BMPR1A: variants seen among roughly 807,000 people sequenced by gnomAD.
The protein encoded by BMPR1A is bone morphogenetic protein receptor type 1A, also known as bone morphogenetic protein receptor type-1A.
BMPR1A carries 7 observed loss-of-function variants against 66.0 expected under a neutral mutation model. The observed-to-expected ratio is 0.11, with a 90% CI of 0.06 to 0.20. The LOEUF (loss-of-function observed/expected upper bound fraction) is 0.20, where lower values mean the gene tolerates loss of function less well. BMPR1A is among the 10% of genes least tolerant of loss of function. The probability of loss-of-function intolerance (pLI) is 1.00; values close to 1 mark genes in which losing one functional copy is unlikely to be tolerated. For missense variants in BMPR1A, 408 were observed against 669.1 expected (o/e 0.61, Z 4.31); for synonymous variants, 200 against 229.7 (o/e 0.87, Z 1.17).
intron 1 of BMPR1A, among the ~76,000 whole-genome samples, chr10:86,825,111 T>C (rs996452267): frequency 1.3e-5 from 2 of 151,936 alleles, no homozygotes; most frequent in Non-Finnish European, 2.9e-5. Flanking sequence ...TTTTGTTTGT[T>C]TGTTTGTTTT....
chr10:86,860,841 CTTT>C (rs1219747565), intron 2 of BMPR1A, among the ~76,000 whole-genome samples: 2 of 135,072 alleles, frequency 1.5e-5, no homozygotes, highest in African/African-American at 2.7e-5. Context: ...TGCCATAGAA[CTTT>C]TTTTTTTTTT....
At chr10:86,833,397 G>A (rs1329475159) in intron 1 of BMPR1A, among the ~76,000 whole-genome samples, 1 of 152,194 alleles carries the variant, frequency 6.6e-6, no homozygotes, top group Non-Finnish European at 1.5e-5. Flanking sequence ...CATGAAAGAT[G>A]AGAGCCTACG....
intron 2 of BMPR1A, among the ~76,000 whole-genome samples, chr10:86,849,379 T>G (rs1393238135): frequency 6.6e-6 from 1 of 152,238 alleles, no homozygotes; most frequent in African/African-American, 2.4e-5. Context: ...AATCTGTCCA[T>G]TATTCAAGTG....
intron 2 of BMPR1A, among the ~76,000 whole-genome samples, chr10:86,840,792 C>T (rs1312552361): frequency 6.6e-6 from 1 of 152,194 alleles, no homozygotes; most frequent in Non-Finnish European, 1.5e-5. Flanking sequence ...TCGGATTCCT[C>T]ATCATTTGCT....
At chr10:86,826,116 G>A (rs539501338) in intron 1 of BMPR1A, among the ~76,000 whole-genome samples, 12 of 145,414 alleles carry the variant, frequency 8.3e-5, no homozygotes, top group African/African-American at 2.7e-4. Flanking sequence ...TTATTCCCCT[G>A]AGCCATTTGA....
chr10:86,879,246 C>T (rs768884061), intron 3 of BMPR1A, among the ~76,000 whole-genome samples: 2 of 152,100 alleles, frequency 1.3e-5, no homozygotes, highest in Non-Finnish European at 2.9e-5. Context: ...TGACAATGCT[C>T]AGTTAAAGAA....
At chr10:86,819,681 G>A (rs1434522451) in intron 1 of BMPR1A, among the ~76,000 whole-genome samples, 2 of 152,174 alleles carry the variant, frequency 1.3e-5, no homozygotes, top group African/African-American at 4.8e-5. Flanking sequence ...TTTTGCCTAT[G>A]CATCTCATCT....
chr10:86,789,138 T>A (rs939775786), intron 1 of BMPR1A, among the ~76,000 whole-genome samples: 5 of 152,000 alleles, frequency 3.3e-5, no homozygotes, highest in Admixed American at 2.6e-4. Context: ...TAAACAAAAA[T>A]CAACTCAAAA....
intron 1 of BMPR1A, among the ~76,000 whole-genome samples, chr10:86,798,200 C>T (rs1157903917): frequency 1.3e-5 from 2 of 151,938 alleles, no homozygotes. Flanking sequence ...AATTATGACT[C>T]ATTTTGGCAC....
Position 86,919,050 on chromosome 10 carries a change from C to T in BMPR1A, c.869-122C>T, listed in dbSNP as rs17107199. The T allele has an allele frequency of 0.029, 30,226 of 1,039,440 alleles. 1,380 individuals are homozygous for T. Among genetic ancestry groups the T allele is most frequent in the African/African-American group, 0.18 (11,042 of 63,070 alleles). The allele number at this position is 1,039,440 out of a possible 1,614,324, so 64.4% of individuals were successfully genotyped here. The stretch of plus-strand genomic sequence containing the variant: ...AACACATTCACGACTTGGTGTCAGG[C>T]GAATTAAAGTTTCACTATCTGCACA... On this transcript the variant is annotated intron_variant, in intron 9 of 12. Transcript: ENST00000372037.
intron 1 of BMPR1A, among the ~76,000 whole-genome samples, chr10:86,791,687 TCCTCCCTCCCTCCCTC>T (rs1193872662): frequency 2.5e-5 from 2 of 78,812 alleles, no homozygotes; most frequent in African/African-American, 5.2e-5. Context: ...TTTACTTCCT[TCCTCCCTCCCTCCCTC>T]CCTCCCTCCC....
chr10:86,843,395 T>C (rs1433852882), intron 2 of BMPR1A: 1 of 152,232 alleles, frequency 6.6e-6, no homozygotes, highest in Non-Finnish European at 1.5e-5. Flanking sequence ...GCACTTATTT[T>C]TATTCTACAG....
chr10:86,759,474 A>G (rs1051567709), intron 1 of BMPR1A, among the ~76,000 whole-genome samples: 7 of 151,832 alleles, frequency 4.6e-5, no homozygotes, highest in Non-Finnish European at 8.8e-5. Flanking sequence ...GATTGTTCTG[A>G]GCTGCTTTTC....
At chr10:86,798,598 T>G (rs1841759369) in intron 1 of BMPR1A, among the ~76,000 whole-genome samples, 1 of 152,214 alleles carries the variant, frequency 6.6e-6, no homozygotes, top group South Asian at 2.1e-4. Flanking sequence ...TGAGTAGAAC[T>G]GTGTATTTAT....
chr10:86,773,850 C>A (rs11596301), intron 1 of BMPR1A, among the ~76,000 whole-genome samples: 75,312 of 148,408 alleles, frequency 0.51, 20,225 homozygotes, highest in East Asian at 0.72. Flanking sequence ...GCATGTATTT[C>A]ATTCTTTTTT....
At chr10:86,907,514 G>T (rs543199271) in intron 7 of BMPR1A, among the ~76,000 whole-genome samples, 9 of 152,098 alleles carry the variant, frequency 5.9e-5, no homozygotes, top group Non-Finnish European at 1.3e-4. Context: ...TATATTGAAG[G>T]CCTGTTCATT....
chr10:86,766,863 T>C (rs1841172010), intron 1 of BMPR1A, among the ~76,000 whole-genome samples: 1 of 150,594 alleles, frequency 6.6e-6, no homozygotes, highest in African/African-American at 2.4e-5. Flanking sequence ...CTTGCTCTGC[T>C]GCCAGGCTGG....
intron 3 of BMPR1A, among the ~76,000 whole-genome samples, 161 bp from the exon 4 acceptor site, chr10:86,889,901 A>G (rs1843122747): frequency 1.3e-5 from 2 of 152,232 alleles, no homozygotes; most frequent in Admixed American, 1.3e-4. Context: ...ATAATAATGT[A>G]TGTCTGTTTG....
At chr10:86,828,686 T>C (rs1589735437) in intron 1 of BMPR1A, among the ~76,000 whole-genome samples, 2 of 152,128 alleles carry the variant, frequency 1.3e-5, no homozygotes, top group South Asian at 2.1e-4. Context: ...TTTAACTGTT[T>C]TATGTGGTGA....
Sources: gnomAD v4.1 joint callset for allele counts (sites outside exome capture counted in the v4.1 genomes callset) on GRCh38, gnomAD v4.1.1 for gene constraint, MANE v1.5 for transcripts, NCBI Gene and HGNC (gene_info 2026-07-23, HGNC 2026-07-21) for gene names.